Variants in DOCK4 observed in about 807,000 individuals in gnomAD.
DOCK4 encodes the protein dedicator of cytokinesis 4.
DOCK4 carries 97 observed loss-of-function variants against 268.1 expected under a neutral mutation model. That is an observed-to-expected ratio of 0.36 (90% CI 0.31 to 0.43). DOCK4 has a LOEUF of 0.43. DOCK4 is among the 20% of genes least tolerant of loss of function. DOCK4 has a pLI of 1.00. For missense variants in DOCK4, 2,145 were observed against 2,455.7 expected, an observed-to-expected ratio of 0.87 and a Z score of 2.67; for synonymous variants, 954 against 887.2, an observed-to-expected ratio of 1.08 and a Z score of -1.34.
intron 37 of DOCK4, 101 bp from the exon 38 acceptor site, chr7:111,767,219 T>A: frequency 3.1e-5 from 22 of 710,088 alleles, no homozygotes; most frequent in Non-Finnish European, 4.6e-5. Flanking sequence ...CAAGCCTTAC[T>A]CCTTAATCTT....
chr7:112,181,492 C>CA (rs942802110), intron 1 of DOCK4, among the ~76,000 whole-genome samples: 1 of 151,684 alleles, frequency 6.6e-6, no homozygotes, highest in African/African-American at 2.4e-5. Flanking sequence ...TCCATCTCTA[C>CA]AAAAAAATTT....
chr7:112,027,673 G>T (rs951158469), intron 1 of DOCK4, among the ~76,000 whole-genome samples: 1 of 152,220 alleles, frequency 6.6e-6, no homozygotes, highest in Admixed American at 6.5e-5. Context: ...GAAGACTCAC[G>T]TGCTAAGAAA....
At position 111,735,043 on chromosome 7, in the gene DOCK4, C is replaced by CAAAT. The variant is rs571343796; in HGVS notation, c.5419+7_5419+10dup. 296 of 1,554,012 alleles carry CAAAT rather than the reference C, an allele frequency of 1.9e-4. 3 individuals are homozygous for CAAAT. In the South Asian group the frequency reaches 3.2e-3, roughly 17 times the overall value. On this transcript the variant is annotated intron_variant, in intron 51 of 52. Transcript: ENST00000428084. ...TATAAAAGTGATCATTCAAATTCTTCAAATACCCACCAGTCTGTGTGGGTC... is the reference window on the plus strand; with the variant it reads ...TATAAAAGTGATCATTCAAATTCTTCAAATAAATACCCACCAGTCTGTGTGGGTC...
chr7:112,096,563 C>A (rs373491753), intron 1 of DOCK4, among the ~76,000 whole-genome samples: 3 of 152,130 alleles, frequency 2.0e-5, no homozygotes, highest in Non-Finnish European at 4.4e-5. Context: ...CTGGAAGTAA[C>A]GATCAAGTTT....
intron 1 of DOCK4, among the ~76,000 whole-genome samples, chr7:112,149,988 C>T (rs1386245205): frequency 6.6e-6 from 1 of 152,194 alleles, no homozygotes; most frequent in Non-Finnish European, 1.5e-5. Context: ...CCAGCTGCTT[C>T]CAACACACTG....
In DOCK4 at chr7:111,872,551, A is replaced by G; in HGVS notation, c.1758T>C (p.Asp586=). The G allele has an allele frequency of 6.3e-7, 1 of 1,594,220 alleles. No homozygotes were observed. Among genetic ancestry groups the G allele is most frequent in the Middle Eastern group, 1.7e-4 (1 of 5,934 alleles). Residue 586 remains aspartate, a synonymous_variant, in exon 18 of 53, where the codon GAT becomes GAC. Transcript: ENST00000428084. ...TKLTQNGDML[D]LLKWRTHPDK... ...CTGGGTGGGTTCTCCATTTCAAAAG[A>G]TCAAGCATATCACCTTTCAAAATAG...
At chr7:112,042,861 G>A (rs1021713673) in intron 1 of DOCK4, among the ~76,000 whole-genome samples, 1 of 152,226 alleles carries the variant, frequency 6.6e-6, no homozygotes, top group Non-Finnish European at 1.5e-5. Flanking sequence ...TTTCTCATGA[G>A]AGTGTGTTAA....
intron 1 of DOCK4, among the ~76,000 whole-genome samples, chr7:112,093,879 A>C (rs1406990084): frequency 1.5e-5 from 1 of 65,686 alleles, no homozygotes. Context: ...ACATATAAGG[A>C]AAAAAAAAAA....
intron 42 of DOCK4, among the ~76,000 whole-genome samples, chr7:111,751,339 G>A (rs760308992): frequency 1.5e-4 from 23 of 152,282 alleles, no homozygotes; most frequent in Non-Finnish European, 2.6e-4. Context: ...GGAAAGTGAT[G>A]CAAGGGGAAA....
intron 1 of DOCK4, among the ~76,000 whole-genome samples, chr7:112,162,836 C>G (rs2116513509): frequency 1.3e-5 from 2 of 152,252 alleles, no homozygotes; most frequent in South Asian, 4.2e-4. Context: ...TCTTTTTTAT[C>G]TAGTCACTTA....
intron 15 of DOCK4, among the ~76,000 whole-genome samples, chr7:111,896,487 G>GTTT (rs79817951): frequency 7.2e-6 from 1 of 138,564 alleles, no homozygotes; most frequent in Non-Finnish European, 1.6e-5. Context: ...TTCCACCAAG[G>GTTT]TTTTTTTTTT....
At chr7:112,110,939 C>T (rs1027394011) in intron 1 of DOCK4, among the ~76,000 whole-genome samples, 1 of 152,188 alleles carries the variant, frequency 6.6e-6, no homozygotes, top group African/African-American at 2.4e-5. Context: ...TGCACCTGTA[C>T]CTCAGCAAAA....
intron 30 of DOCK4, among the ~76,000 whole-genome samples, chr7:111,804,102 G>A (rs1177886121): frequency 6.6e-6 from 1 of 152,130 alleles, no homozygotes; most frequent in African/African-American, 2.4e-5. Context: ...GTACCCAAAA[G>A]AACTGAAAGC....
chr7:111,915,948 T>C (rs761097000), intron 12 of DOCK4, 44 bp from the exon 13 acceptor site: 6 of 1,581,132 alleles, frequency 3.8e-6, no homozygotes, highest in East Asian at 4.5e-5. Flanking sequence ...AGAATAGAAA[T>C]AGAATAAAGA....
intron 1 of DOCK4, among the ~76,000 whole-genome samples, chr7:112,027,938 ACCATT>A (rs1290342765): frequency 6.6e-6 from 1 of 152,236 alleles, no homozygotes; most frequent in Non-Finnish European, 1.5e-5. Context: ...CCAAAGAGTT[ACCATT>A]CCATTTGAGA....
chr7:112,066,677 A>ATG (rs1807028378), intron 1 of DOCK4, among the ~76,000 whole-genome samples: 6 of 21,448 alleles, frequency 2.8e-4, no homozygotes, highest in African/African-American at 1.8e-3. Flanking sequence ...ATACATATAC[A>ATG]TATATACATA....
At chr7:111,953,438 T>G (rs573787595) in intron 8 of DOCK4, among the ~76,000 whole-genome samples, 1 of 152,310 alleles carries the variant, frequency 6.6e-6, no homozygotes, top group East Asian at 1.9e-4. Context: ...GAATTGTTTC[T>G]ATTTCACTGC....
At chr7:111,849,557 T>C (rs2134107111) in intron 23 of DOCK4, among the ~76,000 whole-genome samples, 1 of 152,298 alleles carries the variant, frequency 6.6e-6, no homozygotes, top group Admixed American at 6.5e-5. Context: ...TTATTTATTT[T>C]GGCTTCTGCT....
At chr7:112,201,326 G>A (rs377590390) in intron 1 of DOCK4, among the ~76,000 whole-genome samples, 19 of 152,280 alleles carry the variant, frequency 1.2e-4, no homozygotes, top group African/African-American at 4.6e-4. Flanking sequence ...AGGAATTTAT[G>A]TGATGACTGA....
Sources: allele counts gnomAD v4.1 joint callset (sites outside exome capture counted in the v4.1 genomes callset), GRCh38; gene constraint gnomAD v4.1.1; transcripts MANE v1.5; gene names NCBI Gene and HGNC (gene_info 2026-07-23, HGNC 2026-07-21).